Variants in NT5DC1 observed in about 807,000 individuals in gnomAD.
NT5DC1 encodes 5'-nucleotidase domain-containing protein 1.
NT5DC1 carries 42 observed loss-of-function variants against 59.4 expected under a neutral mutation model. That is an observed-to-expected ratio of 0.71 (90% CI 0.55 to 0.92). NT5DC1 has a LOEUF of 0.92. Among genes scored for constraint, NT5DC1 ranks in the 40% least tolerant of loss-of-function variants. NT5DC1 has a pLI of 0.00. For missense variants in NT5DC1, 501 were observed against 537.1 expected, an observed-to-expected ratio of 0.93 and a Z score of 0.66; for synonymous variants, 172 against 188.1, an observed-to-expected ratio of 0.91 and a Z score of 0.70.
chr6:116,239,513 G>A (rs1315804142), intron 11 of NT5DC1, among the ~76,000 whole-genome samples: 1 of 152,192 alleles, frequency 6.6e-6, no homozygotes, highest in Non-Finnish European at 1.5e-5. Context: ...AATAGGAACT[G>A]GAGGAGAGGG....
At chr6:116,126,995 T>C (rs776044806) in intron 6 of NT5DC1, among the ~76,000 whole-genome samples, 3 of 152,118 alleles carry the variant, frequency 2.0e-5, no homozygotes, top group Non-Finnish European at 4.4e-5. Context: ...TTAAAATCAG[T>C]TTTTAGGATC....
intron 6 of NT5DC1, among the ~76,000 whole-genome samples, chr6:116,140,781 G>A (rs566895299): frequency 1.3e-5 from 2 of 152,066 alleles, no homozygotes; most frequent in South Asian, 2.1e-4. Context: ...GTAACATTGT[G>A]TTTTTGAGAT....
chr6:116,111,665 C>A (rs1778878170), intron 4 of NT5DC1, among the ~76,000 whole-genome samples: 1 of 152,086 alleles, frequency 6.6e-6, no homozygotes, highest in South Asian at 2.1e-4. Flanking sequence ...ATATAGTAAC[C>A]TGAAAATAGT....
In NT5DC1 at chr6:116,129,637, G is replaced by A. The variant is rs1357954555; in HGVS notation, c.529+11692G>A. Reference sequence around the variant, plus strand: ...CTCCAGATACCGGTGCCATCCTCTTGGACTTCCTAGCCTTCAGAACTGTGT... The same window carrying A: ...CTCCAGATACCGGTGCCATCCTCTTAGACTTCCTAGCCTTCAGAACTGTGT... On this transcript the variant is annotated intron_variant, in intron 6 of 11. Coordinates refer to ENST00000319550, the MANE Select transcript of NT5DC1 (RefSeq NM_152729.3). Among the ~76,000 whole-genome samples, 5 of 152,224 alleles carry A rather than the reference G, an allele frequency of 3.3e-5. No individual in the cohort carries two copies. In the East Asian group the frequency reaches 7.7e-4, roughly 24 times the overall value.
At chr6:116,185,395 G>C (rs1011916885) in intron 6 of NT5DC1, among the ~76,000 whole-genome samples, 1 of 152,060 alleles carries the variant, frequency 6.6e-6, no homozygotes, top group African/African-American at 2.4e-5. Flanking sequence ...CTAGGGTATA[G>C]TTTAAGTCCA....
In NT5DC1 at chr6:116,188,802, A is replaced by G. The variant is rs1209537026; in HGVS notation, c.530-32252A>G. ...TTTTTTGTCTTTTCTATGTGTGTGTATGTTTTATAATTTTTAAGATTATGT... is the reference window on the plus strand; with the variant it reads ...TTTTTTGTCTTTTCTATGTGTGTGTGTGTTTTATAATTTTTAAGATTATGT... On this transcript the variant is annotated intron_variant, in intron 6 of 11. Transcript: ENST00000319550. Among the ~76,000 whole-genome samples the G allele has an allele frequency of 2.6e-5, 4 of 151,294 alleles. No individual in the cohort carries two copies. The East Asian group carries it at 7.8e-4, about 29-fold the overall frequency.
chr6:116,136,411 A>G (rs1465530002), intron 6 of NT5DC1, among the ~76,000 whole-genome samples: 1 of 152,012 alleles, frequency 6.6e-6, no homozygotes, highest in African/African-American at 2.4e-5. Flanking sequence ...GATTCTTCTA[A>G]TTCTAAAAAC....
chr6:116,108,411 T>G lies in NT5DC1; in HGVS notation c.233T>G (p.Leu78Arg), dbSNP rs773652705. The change falls in exon 3 of 12, where the codon CTT becomes CGT. Residue 78 changes from leucine (L) to arginine (R), a missense_variant. By Grantham distance (102) the Leu-to-Arg change is moderately radical (BLOSUM62 -2). Coordinates refer to ENST00000319550, the MANE Select transcript of NT5DC1 (RefSeq NM_152729.3). The stretch of plus-strand genomic sequence containing the variant: ...CTAGAAGATGGGAACTTCCTTAAAC[T>G]TGCAAATAATGGCACTGTTCTCAGG... Reference protein sequence around the residue: ...LDLEDGNFLKLANNGTVLRAS... With the variant: ...LDLEDGNFLKRANNGTVLRAS... The G allele has an allele frequency of 1.2e-6, 2 of 1,606,914 alleles. No homozygotes were observed. Among genetic ancestry groups the G allele is most frequent in the Non-Finnish European group, 1.7e-6 (2 of 1,173,578 alleles).
intron 6 of NT5DC1, among the ~76,000 whole-genome samples, chr6:116,130,959 AC>A (rs1315085035): frequency 6.6e-5 from 10 of 152,342 alleles, no homozygotes; most frequent in African/African-American, 2.4e-4. Context: ...CTGTAAAGTC[AC>A]ATGACACAGT....
chr6:116,198,175 T>C (rs1408353310), intron 6 of NT5DC1, among the ~76,000 whole-genome samples: 1 of 152,042 alleles, frequency 6.6e-6, no homozygotes, highest in African/African-American at 2.4e-5. Flanking sequence ...CCTCTCCAAA[T>C]TGAGGTCACT....
Position 116,221,128 on chromosome 6 carries a change from A to G in NT5DC1, c.604A>G (p.Lys202Glu). ...TTTACATAGTTGTCCTGAATCTGTG[A>G]AAAAATGGCTTCGACAGCTAAAGAA... The part of the protein sequence containing the change: ...RYLHSCPESV[K>E]KWLRQLKNAG... Residue 202 changes from lysine (K) to glutamate (E), a missense_variant, in exon 7 of 12, where the codon AAA (lysine) becomes GAA (glutamate). Transcript: ENST00000319550. 6.3e-7 allele frequency: 1 copy of G among 1,576,670 alleles called. No homozygotes were observed. Among genetic ancestry groups the G allele is most frequent in the Non-Finnish European group, 8.7e-7 (1 of 1,146,854 alleles).
At chr6:116,119,978 T>C in intron 6 of NT5DC1, 2 of 1,123,762 alleles carry the variant, frequency 1.8e-6, no homozygotes, top group Non-Finnish European at 1.3e-6. Flanking sequence ...AAAAATTACA[T>C]TCTTTTCAGC....
At chr6:116,156,383 A>G (rs1208042473) in intron 6 of NT5DC1, among the ~76,000 whole-genome samples, 2 of 152,180 alleles carry the variant, frequency 1.3e-5, no homozygotes, top group East Asian at 1.9e-4. Context: ...CTGGTTTAAT[A>G]CTATGTAGGC....
chr6:116,179,847 C>G (rs1464879552), intron 6 of NT5DC1, among the ~76,000 whole-genome samples: 1 of 152,034 alleles, frequency 6.6e-6, no homozygotes, highest in East Asian at 1.9e-4. Context: ...ATACATAATG[C>G]TCCAAAGATT....
chr6:116,120,430 G>A (rs1327200316), intron 6 of NT5DC1: 1 of 1,614,232 alleles, frequency 6.2e-7, no homozygotes, highest in South Asian at 1.1e-5. Flanking sequence ...CTATTGCTGG[G>A]TAAGCTTTGG....
intron 6 of NT5DC1, among the ~76,000 whole-genome samples, chr6:116,129,870 G>T (rs1315875335): frequency 6.6e-6 from 1 of 152,046 alleles, no homozygotes; most frequent in African/African-American, 2.4e-5. Context: ...GTGGAGATTG[G>T]TAGTTAAATC....
intron 6 of NT5DC1, among the ~76,000 whole-genome samples, chr6:116,163,139 A>ATAT (rs1329810394): frequency 0.011 from 1,072 of 100,228 alleles, 22 homozygotes; most frequent in East Asian, 0.088. Flanking sequence ...AAAAAAAAAA[A>ATAT]AAATATATAT....
At chr6:116,136,323 G>GCACA (rs1779600245) in intron 6 of NT5DC1, among the ~76,000 whole-genome samples, 1 of 151,808 alleles carries the variant, frequency 6.6e-6, no homozygotes, top group Non-Finnish European at 1.5e-5. Context: ...TATGTAATAT[G>GCACA]CACACTTTTT....
At chr6:116,163,734 T>C (rs1780400241) in intron 6 of NT5DC1, among the ~76,000 whole-genome samples, 1 of 152,220 alleles carries the variant, frequency 6.6e-6, no homozygotes, top group African/African-American at 2.4e-5. Flanking sequence ...TCTATCTTTT[T>C]GATTTATGAA....
Sources: gnomAD v4.1 joint callset for allele counts (sites outside exome capture counted in the v4.1 genomes callset) on GRCh38, gnomAD v4.1.1 for gene constraint, MANE v1.5 for transcripts, NCBI Gene and HGNC (gene_info 2026-07-23, HGNC 2026-07-21) for gene names.